Variants in CMTM8 observed in about 807,000 individuals in gnomAD.
CMTM8 encodes CKLF-like MARVEL transmembrane domain-containing protein 8.
Under a neutral mutation model 18.6 loss-of-function variants are expected in CMTM8, and 12 were observed. That is an observed-to-expected ratio of 0.65 (90% confidence interval 0.41 to 1.05). The LOEUF (loss-of-function observed/expected upper bound fraction) is 1.05. Among genes scored for constraint, CMTM8 ranks in the 50% least tolerant of loss-of-function variants. The pLI, the probability that CMTM8 is intolerant of heterozygous loss-of-function variation, is 0.00. For synonymous variants in CMTM8, 87 were observed against 90.6 expected (o/e 0.96, Z 0.23); for missense variants, 217 against 227.2 (o/e 0.95, Z 0.29).
chr3:32,305,175 G>T (rs888681847), intron 1 of CMTM8, among the ~76,000 whole-genome samples: 1 of 151,336 alleles, frequency 6.6e-6, no homozygotes, highest in African/African-American at 2.4e-5. Flanking sequence ...CTAAGGCAGT[G>T]GTTCTCAGTC....
At chr3:32,252,755 C>T (rs1029217110) in intron 1 of CMTM8, among the ~76,000 whole-genome samples, 3 of 152,086 alleles carry the variant, frequency 2.0e-5, no homozygotes, top group Admixed American at 1.3e-4. Flanking sequence ...GGGTGGTTTT[C>T]ATTTTCTTTT....
chr3:32,285,250 C>T (rs1428245746), intron 1 of CMTM8, among the ~76,000 whole-genome samples: 1 of 152,140 alleles, frequency 6.6e-6, no homozygotes, highest in East Asian at 1.9e-4. Context: ...TGCAGTGGCT[C>T]ACGCCCGTAA....
chr3:32,310,577 C>T (rs184045013), intron 1 of CMTM8, among the ~76,000 whole-genome samples: 4 of 152,264 alleles, frequency 2.6e-5, no homozygotes, highest in East Asian at 1.9e-4. Context: ...AATCATACTG[C>T]GAGGCTCAAC....
At chr3:32,333,570 T>C (rs1696322296) in intron 1 of CMTM8, among the ~76,000 whole-genome samples, 1 of 151,046 alleles carries the variant, frequency 6.6e-6, no homozygotes, top group African/African-American at 2.4e-5. Flanking sequence ...CCGAACCATT[T>C]CGCTAGATCT....
At chr3:32,244,107 G>C (rs1048435710) in intron 1 of CMTM8, 9 of 154,318 alleles carry the variant, frequency 5.8e-5, no homozygotes, top group African/African-American at 2.2e-4. Context: ...GCTGTGGAAG[G>C]TCAGGTCCAG....
chr3:32,334,452 A>C (rs1025342542), intron 1 of CMTM8, among the ~76,000 whole-genome samples: 15 of 152,016 alleles, frequency 9.9e-5, no homozygotes, highest in Middle Eastern at 3.4e-3. Context: ...TAAAAATACA[A>C]AAAATTAGCT....
chr3:32,368,993 T>C (rs1291183394), intron 3 of CMTM8, among the ~76,000 whole-genome samples: 1 of 152,162 alleles, frequency 6.6e-6, no homozygotes, highest in Non-Finnish European at 1.5e-5. Flanking sequence ...TTTACTTTTA[T>C]TTCTGTTTGA....
intron 1 of CMTM8, among the ~76,000 whole-genome samples, chr3:32,289,413 A>G (rs1298067596): frequency 6.6e-6 from 1 of 152,132 alleles, no homozygotes; most frequent in Non-Finnish European, 1.5e-5. Flanking sequence ...AATGAGTAGG[A>G]AATCAGGAAG....
intron 1 of CMTM8, among the ~76,000 whole-genome samples, chr3:32,294,526 C>T (rs986627230): frequency 6.6e-5 from 10 of 152,170 alleles, no homozygotes; most frequent in Non-Finnish European, 1.5e-4. Context: ...TGAATTCCAG[C>T]CTTACCACTT....
chr3:32,242,132 C>T (rs1254934672), intron 1 of CMTM8, among the ~76,000 whole-genome samples: 1 of 152,178 alleles, frequency 6.6e-6, no homozygotes, highest in East Asian at 1.9e-4. Context: ...TTGCTTTGCT[C>T]CCACTGGGGG....
intron 1 of CMTM8, among the ~76,000 whole-genome samples, chr3:32,284,551 A>T (rs1702650776): frequency 6.6e-6 from 1 of 152,170 alleles, no homozygotes; most frequent in Non-Finnish European, 1.5e-5. Flanking sequence ...CCGAGTAGCC[A>T]ACTATATAGT....
chr3:32,251,033 A>G (rs1702104841), intron 1 of CMTM8, among the ~76,000 whole-genome samples: 2 of 152,208 alleles, frequency 1.3e-5, no homozygotes, highest in African/African-American at 2.4e-5. Flanking sequence ...AAAAGTTCAT[A>G]CCAGTTTGCA....
At chr3:32,309,459 C>G (rs746953449) in intron 1 of CMTM8, among the ~76,000 whole-genome samples, 1 of 151,798 alleles carries the variant, frequency 6.6e-6, no homozygotes, top group African/African-American at 2.4e-5. Context: ...AGGTGTGCAC[C>G]ACCACGCCCG....
intron 1 of CMTM8, among the ~76,000 whole-genome samples, chr3:32,256,873 G>A (rs918089889): frequency 1.3e-5 from 2 of 152,198 alleles, no homozygotes; most frequent in Non-Finnish European, 2.9e-5. Flanking sequence ...ATGTTTGTCA[G>A]AGGGCTAGCT....
chr3:32,356,253 T>G, intron 1 of CMTM8, among the ~76,000 whole-genome samples: 1 of 152,248 alleles, frequency 6.6e-6, no homozygotes, highest in East Asian at 1.9e-4. Flanking sequence ...TTCTTTGTCC[T>G]GAGTCACACA....
intron 1 of CMTM8, among the ~76,000 whole-genome samples, chr3:32,343,619 A>C (rs1230370844): frequency 6.6e-6 from 1 of 152,220 alleles, no homozygotes; most frequent in Non-Finnish European, 1.5e-5. Flanking sequence ...ACAGCTTATA[A>C]TTAAATGTCA....
chr3:32,244,543 C>T (rs1339397936), intron 1 of CMTM8, among the ~76,000 whole-genome samples: 1 of 152,130 alleles, frequency 6.6e-6, no homozygotes, highest in Non-Finnish European at 1.5e-5. Flanking sequence ...TCTAAAACTC[C>T]TTTTATACTT....
intron 1 of CMTM8, among the ~76,000 whole-genome samples, chr3:32,341,472 A>G (rs2125589545): frequency 6.6e-6 from 1 of 152,244 alleles, no homozygotes; most frequent in African/African-American, 2.4e-5. Flanking sequence ...TGTAGAGTAT[A>G]TTGTCTTATG....
rs116381996 is a variant in CMTM8 at position 32,309,548 on chromosome 3, T to C, written c.148-47825T>C. 6.2e-3 allele frequency among the ~76,000 whole-genome samples: 943 copies of C among 152,216 alleles called. 13 individuals are homozygous for C. Among genetic ancestry groups the C allele is most frequent in the African/African-American group, 0.021 (889 of 41,532 alleles). On this transcript the variant is annotated intron_variant, in intron 1 of 3. Transcript: ENST00000307526. ...GTCTCGATGTCCTGACCTCAGGTGA[T>C]GCACCTGCCTCGGCTTCCCAAATGC...
Sources: gnomAD v4.1 joint callset for allele counts (sites outside exome capture counted in the v4.1 genomes callset) on GRCh38, gnomAD v4.1.1 for gene constraint, MANE v1.5 for transcripts, NCBI Gene and HGNC (gene_info 2026-07-23, HGNC 2026-07-21) for gene names.